The following HORMAD2 variants were observed in gnomAD, a reference collection of about 807,000 sequenced individuals.
The protein encoded by HORMAD2 is HORMA domain containing 2, also known as HORMA domain-containing protein 2.
HORMAD2 carries 45 observed loss-of-function variants against 38.8 expected under a neutral mutation model. That is an observed-to-expected ratio of 1.16 (90% confidence interval 0.91 to 1.49). The LOEUF (loss-of-function observed/expected upper bound fraction) is 1.49, where lower values mean the gene tolerates loss of function less well. HORMAD2 is among the 40% of genes most tolerant of loss of function. HORMAD2 has a pLI of 0.00. For missense variants in HORMAD2, 338 were observed against 367.0 expected (o/e 0.92, Z 0.65); for synonymous variants, 126 against 122.8 (o/e 1.03, Z -0.17).
intron 10 of HORMAD2, among the ~76,000 whole-genome samples, chr22:30,166,405 AG>A (rs1782877146): frequency 6.6e-6 from 1 of 152,358 alleles, no homozygotes; most frequent in Admixed American, 6.5e-5. Flanking sequence ...ATTGAGCACC[AG>A]AAATGTGGCT....
At chr22:30,139,098 C>T (rs1321675636) in intron 10 of HORMAD2, among the ~76,000 whole-genome samples, 2 of 151,746 alleles carry the variant, frequency 1.3e-5, no homozygotes, top group African/African-American at 4.8e-5. Flanking sequence ...TCTCCTGGGT[C>T]TCTAGCCTGT....
At chr22:30,170,802 C>G (rs1032083243) in intron 10 of HORMAD2, among the ~76,000 whole-genome samples, 1 of 152,160 alleles carries the variant, frequency 6.6e-6, no homozygotes, top group Non-Finnish European at 1.5e-5. Context: ...TTCTATAAAA[C>G]TTTGTGTACT....
rs746017743 is a variant in HORMAD2, at chr22:30,111,827, A to C, written c.315+11A>C. Reference sequence around the variant, plus strand: ...ATGGCAGTACTGACAGTAAGTACACACTCATTTAAAGACCAAGCCTCTGTC... The same window carrying C: ...ATGGCAGTACTGACAGTAAGTACACCCTCATTTAAAGACCAAGCCTCTGTC... On this transcript the variant is annotated intron_variant, in intron 6 of 10. Transcript: ENST00000336726. 1 of 1,566,476 alleles carries C rather than the reference A, an allele frequency of 6.4e-7. No homozygotes were observed. Among genetic ancestry groups the C allele is most frequent in the Non-Finnish European group, 8.7e-7 (1 of 1,154,896 alleles).
chr22:30,185,986 AC>A, the HORMAD2 span, among the ~76,000 whole-genome samples: 1 of 150,554 alleles, frequency 6.6e-6, no homozygotes, highest in Non-Finnish European at 1.5e-5. Flanking sequence ...TAAGAAAAAA[AC>A]AACCTTGTGT....
chr22:30,090,118 A>G (rs190422889), intron 1 of HORMAD2, among the ~76,000 whole-genome samples: 1 of 152,154 alleles, frequency 6.6e-6, no homozygotes, highest in Non-Finnish European at 1.5e-5. Flanking sequence ...ATCCCAGCAC[A>G]CTGGGAGGAT....
At chr22:30,120,544 A>T (rs116416615) in intron 8 of HORMAD2, among the ~76,000 whole-genome samples, 1,560 of 152,330 alleles carry the variant, frequency 0.01, 24 homozygotes, top group African/African-American at 0.036. Context: ...AACTACTCAA[A>T]TGTGAGACTA....
At chr22:30,092,078 C>T (rs2068698846) in intron 1 of HORMAD2, among the ~76,000 whole-genome samples, 2 of 145,416 alleles carry the variant, frequency 1.4e-5, no homozygotes, top group Admixed American at 7.0e-5. Context: ...TTAGTAAAGA[C>T]AGGATTTCAC....
chr22:30,163,024 C>A (rs908643680), intron 10 of HORMAD2, among the ~76,000 whole-genome samples: 2 of 152,142 alleles, frequency 1.3e-5, no homozygotes, highest in African/African-American at 4.8e-5. Context: ...CTTAAAATCA[C>A]AAATGCAATA....
At chr22:30,137,890 G>A (rs1355934820) in intron 10 of HORMAD2, among the ~76,000 whole-genome samples, 1 of 152,124 alleles carries the variant, frequency 6.6e-6, no homozygotes, top group Non-Finnish European at 1.5e-5. Context: ...TTGTATATAA[G>A]TTCTTTTTGA....
chr22:30,142,858 G>A (rs1026853178), intron 10 of HORMAD2, among the ~76,000 whole-genome samples: 1 of 151,736 alleles, frequency 6.6e-6, no homozygotes, highest in African/African-American at 2.4e-5. Context: ...GTTGCACTAG[G>A]GCTTATCATG....
intron 10 of HORMAD2, among the ~76,000 whole-genome samples, chr22:30,143,078 C>T (rs1924185317): frequency 6.6e-6 from 1 of 152,112 alleles, no homozygotes; most frequent in Non-Finnish European, 1.5e-5. Context: ...TTTTCTCCTA[C>T]TCAGCTTCTT....
chr22:30,170,192 G>A (rs990849198), intron 10 of HORMAD2, among the ~76,000 whole-genome samples: 5 of 152,066 alleles, frequency 3.3e-5, no homozygotes, highest in Admixed American at 6.6e-5. Context: ...GGTGAGGACT[G>A]GTTTTCTCAA....
At chr22:30,201,386 A>G in the HORMAD2 span, among the ~76,000 whole-genome samples, 1 of 148,578 alleles carries the variant, frequency 6.7e-6, no homozygotes, top group Non-Finnish European at 1.5e-5. Flanking sequence ...AAATAAGGTT[A>G]TATTCACAGG....
chr22:30,165,499 A>G (rs1925721273), intron 10 of HORMAD2, among the ~76,000 whole-genome samples: 1 of 152,210 alleles, frequency 6.6e-6, no homozygotes, highest in South Asian at 2.1e-4. Context: ...TTTGGGTAGT[A>G]TTGACATCTT....
chr22:30,166,436 A>G (rs1925786071), intron 10 of HORMAD2, among the ~76,000 whole-genome samples: 2 of 152,204 alleles, frequency 1.3e-5, no homozygotes. Context: ...GAGGAAGTAA[A>G]TTTTAAGTTT....
rs1442726354 is a variant in HORMAD2 at position 30,111,776 on chromosome 22, T to A, written c.295-20T>A. ...GTGCAAGTATGTAATAATAATAGTT[T>A]TTTTTTCTTTCTCTTGAAGCTACGT... On this transcript the variant is annotated intron_variant, in intron 5 of 10. Coordinates refer to ENST00000336726, the MANE Select transcript of HORMAD2 (RefSeq NM_152510.4). The A allele has an allele frequency of 6.6e-7, 1 of 1,525,850 alleles. No individual in the cohort carries two copies. Among genetic ancestry groups the A allele is most frequent in the Admixed American group, 2.0e-5 (1 of 49,682 alleles). The allele number at this position is 1,525,850 out of a possible 1,614,324, so 94.5% of individuals were successfully genotyped here.
At chr22:30,087,943 G>A (rs1277258156) in intron 1 of HORMAD2, among the ~76,000 whole-genome samples, 1 of 151,676 alleles carries the variant, frequency 6.6e-6, no homozygotes, top group African/African-American at 2.4e-5. Flanking sequence ...CTTTCTACTA[G>A]ATTATACTGC....
intron 10 of HORMAD2, among the ~76,000 whole-genome samples, chr22:30,140,779 T>A (rs1254168679): frequency 1.3e-5 from 2 of 152,188 alleles, no homozygotes; most frequent in East Asian, 3.8e-4. Flanking sequence ...ATATCATAAA[T>A]GTCTACACTA....
At chr22:30,149,410 C>CT (rs1426397638) in intron 10 of HORMAD2, among the ~76,000 whole-genome samples, 1 of 152,200 alleles carries the variant, frequency 6.6e-6, no homozygotes, top group Non-Finnish European at 1.5e-5. Context: ...TTCAAGTGTT[C>CT]TAGCTAGTGG....
Sources: gnomAD v4.1 joint callset for allele counts (sites outside exome capture counted in the v4.1 genomes callset) on GRCh38, gnomAD v4.1.1 for gene constraint, MANE v1.5 for transcripts, NCBI Gene and HGNC (gene_info 2026-07-23, HGNC 2026-07-21) for gene names.